The following KCNH8 variants were observed in gnomAD, a reference collection of about 807,000 sequenced individuals.
KCNH8 encodes potassium voltage-gated channel subfamily H member 8, also known as voltage-gated delayed rectifier potassium channel KCNH8.
Under a neutral mutation model 103.6 loss-of-function variants are expected in KCNH8, and 70 were observed. That is an observed-to-expected ratio of 0.68 (90% CI 0.56 to 0.82). The LOEUF is 0.82. Among genes scored for constraint, KCNH8 ranks in the 40% least tolerant of loss-of-function variants. The pLI is 0.00. For missense variants in KCNH8, 1,217 were observed against 1,329.9 expected (o/e 0.92, Z 1.32); for synonymous variants, 498 against 489.4 (o/e 1.02, Z -0.23).
At chr3:19,459,264 T>C (rs535207689) in intron 11 of KCNH8, among the ~76,000 whole-genome samples, 1 of 152,054 alleles carries the variant, frequency 6.6e-6, no homozygotes, top group Admixed American at 6.6e-5. Context: ...AAAATTTCTT[T>C]GTTGTTGTTT....
intron 2 of KCNH8, among the ~76,000 whole-genome samples, chr3:19,280,844 G>T (rs1444176225): frequency 6.6e-6 from 1 of 152,040 alleles, no homozygotes; most frequent in Non-Finnish European, 1.5e-5. Flanking sequence ...ATTGAAGAAC[G>T]AGTGTGTGCT....
chr3:19,345,453 C>G (rs2065717197), intron 4 of KCNH8, among the ~76,000 whole-genome samples: 1 of 151,956 alleles, frequency 6.6e-6, no homozygotes, highest in Non-Finnish European at 1.5e-5. Flanking sequence ...GTTTCAATAA[C>G]TCATAGGTGG....
At chr3:19,515,684 C>A (rs1015227841) in intron 14 of KCNH8, among the ~76,000 whole-genome samples, 1 of 151,916 alleles carries the variant, frequency 6.6e-6, no homozygotes, top group Admixed American at 6.6e-5. Context: ...CCAGGAGACT[C>A]AAATTTCTGC....
chr3:19,399,067 T>C lies in KCNH8; in HGVS notation c.1177+3756T>C, dbSNP rs115131934. ...TACGTAGGAAATTTTTATTTCAGGT[T>C]CATTTAGGAGGCAAGTCCTATATCA... is the stretch of plus-strand genomic sequence containing the variant. On this transcript the variant is annotated intron_variant, in intron 7 of 15. Coordinates refer to ENST00000328405, the MANE Select transcript of KCNH8 (RefSeq NM_144633.3). Among the ~76,000 whole-genome samples the C allele has an allele frequency of 3.4e-3, 513 of 152,114 alleles. 1 individual carries two copies. Among genetic ancestry groups the C allele is most frequent in the African/African-American group, 0.012 (488 of 41,556 alleles).
intron 10 of KCNH8, among the ~76,000 whole-genome samples, chr3:19,455,399 C>T (rs1422259405): frequency 6.6e-6 from 1 of 152,044 alleles, no homozygotes; most frequent in Admixed American, 6.6e-5. Flanking sequence ...ATCCCATCAC[C>T]TTATGTTTTT....
At chr3:19,425,152 CCTTAA>C (rs1418100728) in intron 7 of KCNH8, among the ~76,000 whole-genome samples, 4 of 152,162 alleles carry the variant, frequency 2.6e-5, no homozygotes, top group Non-Finnish European at 5.9e-5. Flanking sequence ...CGTTCTGTAC[CCTTAA>C]CTTGAGCCAA....
At chr3:19,264,768 C>T (rs2064485097) in intron 2 of KCNH8, among the ~76,000 whole-genome samples, 1 of 152,088 alleles carries the variant, frequency 6.6e-6, no homozygotes, top group African/African-American at 2.4e-5. Context: ...TGCTCTTTGC[C>T]TGTGTTGTTG....
chr3:19,284,426 G>T (rs1575494543), intron 3 of KCNH8, among the ~76,000 whole-genome samples: 1 of 151,738 alleles, frequency 6.6e-6, no homozygotes, highest in East Asian at 1.9e-4. Flanking sequence ...GCCTTTTATC[G>T]ATGGACAGCA....
Position 19,284,511 on chromosome 3 carries a change from GTGT to G in KCNH8, c.442+3183_442+3185del, listed in dbSNP as rs2064801629. 1.0e-4 allele frequency among the ~76,000 whole-genome samples: 9 copies of G among 86,180 alleles called. No homozygotes were observed. The East Asian group carries it at 2.8e-3, about 27-fold the overall frequency. 56.5% of individuals were successfully genotyped at this position (86,180 alleles called of 152,430 possible). On this transcript the variant is annotated intron_variant, in intron 3 of 15. Transcript: ENST00000328405. ...GCTTTCAGCTGGTGGATCTGCTGGTGTGTGTGTGTGTGTGTGTGTGTGTGTGTG... is the reference window on the plus strand; with the variant it reads ...GCTTTCAGCTGGTGGATCTGCTGGTGGTGTGTGTGTGTGTGTGTGTGTGTG...
In KCNH8 at chr3:19,339,998, C is replaced by T. The variant is rs991158455; in HGVS notation, c.443-2589C>T. On this transcript the variant is annotated intron_variant, in intron 3 of 15. Transcript: ENST00000328405. ...TCAAGACCTATCTGACTTCACATAA[C>T]GACTCTACTCCTGTTACTAGATGTG... is the stretch of plus-strand genomic sequence containing the variant. 1.6e-4 allele frequency among the ~76,000 whole-genome samples: 24 copies of T among 152,192 alleles called. 1 individual carries two copies. Among genetic ancestry groups the T allele is most frequent in the South Asian group, 1.0e-3 (5 of 4,822 alleles).
At chr3:19,413,655 T>C (rs868530554) in intron 7 of KCNH8, among the ~76,000 whole-genome samples, 11 of 152,090 alleles carry the variant, frequency 7.2e-5, no homozygotes, top group Middle Eastern at 3.4e-3. Context: ...AGAGAGGCTT[T>C]AGAGGAAACC....
At chr3:19,493,029 C>T (rs2068360347) in intron 11 of KCNH8, among the ~76,000 whole-genome samples, 1 of 151,994 alleles carries the variant, frequency 6.6e-6, no homozygotes, top group African/African-American at 2.4e-5. Flanking sequence ...TCAGCCTGGA[C>T]ATTATTGGTG....
At position 19,438,428 on chromosome 3, in the gene KCNH8, G is replaced by A. The variant is rs1025295207; in HGVS notation, c.1375+67G>A. 3.1e-6 allele frequency: 4 copies of A among 1,301,990 alleles called. No homozygotes were observed. In the African/African-American group the frequency reaches 4.4e-5, roughly 14 times the overall value. 80.7% of individuals were successfully genotyped at this position (1,301,990 alleles called of 1,614,324 possible). A position where few individuals can be genotyped will look rare whatever the true frequency, so the allele number is the denominator to read the frequency against. ...CCTACCTAACTGTCACTGCCTGTTT[G>A]TTCTGTCCTGAAATACAAAACAGAT... On this transcript the variant is annotated intron_variant, in intron 8 of 15. Coordinates refer to ENST00000328405, the MANE Select transcript of KCNH8 (RefSeq NM_144633.3).
intron 3 of KCNH8, among the ~76,000 whole-genome samples, chr3:19,299,428 G>A (rs533386976): frequency 1.3e-5 from 2 of 151,996 alleles, no homozygotes; most frequent in African/African-American, 4.8e-5. Flanking sequence ...CTGGAAGTTC[G>A]AGTACGGATT....
chr3:19,156,040 C>G (rs2063178086), intron 1 of KCNH8, among the ~76,000 whole-genome samples: 1 of 152,080 alleles, frequency 6.6e-6, no homozygotes, highest in Non-Finnish European at 1.5e-5. Context: ...ACCTGGTGTT[C>G]CTTTTATTCA....
chr3:19,513,766 T>G (rs1323929981), intron 13 of KCNH8, among the ~76,000 whole-genome samples: 1 of 152,184 alleles, frequency 6.6e-6, no homozygotes, highest in African/African-American at 2.4e-5. Flanking sequence ...TATTCTTGCC[T>G]TATTATCAAG....
chr3:19,291,128 C>T (rs1195621077), intron 3 of KCNH8, among the ~76,000 whole-genome samples: 1 of 151,854 alleles, frequency 6.6e-6, no homozygotes, highest in Non-Finnish European at 1.5e-5. Flanking sequence ...TTTGATTCTT[C>T]TCTCTTTTCT....
chr3:19,351,803 C>A (rs577988515), intron 5 of KCNH8, among the ~76,000 whole-genome samples: 2 of 152,228 alleles, frequency 1.3e-5, no homozygotes, highest in South Asian at 2.1e-4. Flanking sequence ...TAAAGACCAT[C>A]GAGGCTGGGA....
intron 11 of KCNH8, among the ~76,000 whole-genome samples, chr3:19,498,765 G>A (rs202224122): frequency 6.6e-6 from 1 of 152,062 alleles, no homozygotes; most frequent in African/African-American, 2.4e-5. Flanking sequence ...TTTTGGTGTG[G>A]ATGTCCTTTC....
Sources: allele counts gnomAD v4.1 joint callset (sites outside exome capture counted in the v4.1 genomes callset), GRCh38; gene constraint gnomAD v4.1.1; transcripts MANE v1.5; gene names NCBI Gene and HGNC (gene_info 2026-07-23, HGNC 2026-07-21).